PBX3: variants seen among roughly 807,000 people sequenced by gnomAD.
The protein encoded by PBX3 is pre-B-cell leukemia transcription factor 3.
A neutral mutation model predicts 48.5 loss-of-function variants in PBX3; 14 were observed. That is an observed-to-expected ratio of 0.29 (90% CI 0.19 to 0.45). The LOEUF is 0.45. Ranked by LOEUF, PBX3 falls within the 20% of genes least tolerant of loss-of-function variation. The pLI is 1.00. For synonymous variants in PBX3, 210 were observed against 200.3 expected (o/e 1.05, Z -0.41); for missense variants, 386 against 546.7 (o/e 0.71, Z 2.93).
chr9:125,793,982 C>T (rs1188187830), intron 2 of PBX3, among the ~76,000 whole-genome samples: 14 of 152,118 alleles, frequency 9.2e-5, no homozygotes, highest in South Asian at 4.1e-4. Flanking sequence ...TACCCAATCA[C>T]GCAACTTAAA....
At chr9:125,951,068 CTTCAGTAGAAT>C (rs1395336169) in intron 5 of PBX3, among the ~76,000 whole-genome samples, 2 of 152,140 alleles carry the variant, frequency 1.3e-5, no homozygotes, top group African/African-American at 4.8e-5. Flanking sequence ...TCAGTTTTTG[CTTCAGTAGAAT>C]TGGGTTTTTG....
At chr9:125,849,571 C>T (rs1384892849) in intron 2 of PBX3, among the ~76,000 whole-genome samples, 1 of 151,854 alleles carries the variant, frequency 6.6e-6, no homozygotes, top group Non-Finnish European at 1.5e-5. Flanking sequence ...TTCTTCCCTC[C>T]TCATTTTAGC....
chr9:125,952,357 C>T (rs1192387804), intron 5 of PBX3, among the ~76,000 whole-genome samples: 1 of 152,200 alleles, frequency 6.6e-6, no homozygotes, highest in Non-Finnish European at 1.5e-5. Flanking sequence ...CAAAGTTCTG[C>T]ACTTCTGCCT....
intron 2 of PBX3, among the ~76,000 whole-genome samples, chr9:125,754,469 T>TA (rs1326517017): frequency 1.3e-5 from 2 of 152,104 alleles, no homozygotes; most frequent in African/African-American, 4.8e-5. Flanking sequence ...TTTACAAAGT[T>TA]ATTGAAGTTA....
chr9:125,768,125 G>C (rs1168638084), intron 2 of PBX3, among the ~76,000 whole-genome samples: 1 of 152,000 alleles, frequency 6.6e-6, no homozygotes, highest in Non-Finnish European at 1.5e-5. Context: ...AAGGTCCTTG[G>C]GGGTGGTGGG....
At chr9:125,906,312 G>A (rs1448757219) in intron 2 of PBX3, among the ~76,000 whole-genome samples, 5 of 151,942 alleles carry the variant, frequency 3.3e-5, no homozygotes, top group South Asian at 2.1e-4. Context: ...CCCTCATGCC[G>A]TATTTACTAG....
intron 2 of PBX3, among the ~76,000 whole-genome samples, chr9:125,824,401 C>CA (rs1838747616): frequency 6.6e-6 from 1 of 152,182 alleles, no homozygotes; most frequent in African/African-American, 2.4e-5. Flanking sequence ...TCCGTTATTC[C>CA]ATGATGCCTT....
rs771662821 is a variant in PBX3 at position 125,747,668 on chromosome 9, A to G, written c.200+15A>G. 4.5e-6 allele frequency: 7 copies of G among 1,570,088 alleles called. No homozygotes were observed. The East Asian group carries it at 1.3e-4, about 28-fold the overall frequency. On this transcript the variant is annotated intron_variant, in intron 1 of 8. Coordinates refer to ENST00000373489, the MANE Select transcript of PBX3 (RefSeq NM_006195.6). ...GCGCAAGCAAAGTTGGTGTCGTCTC[A>G]TTAAGCATCTTTTGTGTGTGTGCGG...
chr9:125,844,436 T>C (rs1839374427), intron 2 of PBX3: 1 of 152,082 alleles, frequency 6.6e-6, no homozygotes, highest in Non-Finnish European at 1.5e-5. Context: ...TGTCAAAATA[T>C]TACCATAATG....
At chr9:125,839,339 G>T (rs887617846) in intron 2 of PBX3, among the ~76,000 whole-genome samples, 20 of 152,164 alleles carry the variant, frequency 1.3e-4, no homozygotes, top group African/African-American at 4.6e-4. Context: ...AGGCAACATG[G>T]TGATGAATAA....
chr9:125,910,168 C>G (rs1196051361), intron 2 of PBX3, among the ~76,000 whole-genome samples: 1 of 152,090 alleles, frequency 6.6e-6, no homozygotes, highest in East Asian at 1.9e-4. Context: ...AGCATGTAAA[C>G]AAATCTCAGT....
At chr9:125,878,338 A>G (rs2132342154) in intron 2 of PBX3, among the ~76,000 whole-genome samples, 1 of 152,284 alleles carries the variant, frequency 6.6e-6, no homozygotes, top group South Asian at 2.1e-4. Context: ...GAAATTTCAT[A>G]ATGATGAATA....
chr9:125,885,718 C>T (rs956652309), intron 2 of PBX3, among the ~76,000 whole-genome samples: 1 of 151,932 alleles, frequency 6.6e-6, no homozygotes, highest in Non-Finnish European at 1.5e-5. Flanking sequence ...GGATTTATAA[C>T]CATTTTGCCA....
chr9:125,806,725 G>A (rs928630566), intron 2 of PBX3, among the ~76,000 whole-genome samples: 1 of 152,146 alleles, frequency 6.6e-6, no homozygotes, highest in African/African-American at 2.4e-5. Flanking sequence ...ATTAAGCTCA[G>A]TGTCTCATAA....
rs527441631 is a variant in PBX3 at position 125,759,820 on chromosome 9, A to G, written c.274+11197A>G. Among the ~76,000 whole-genome samples, 1 of 152,348 alleles carries G rather than the reference A, an allele frequency of 6.6e-6. No homozygotes were observed. The highest frequency in any genetic ancestry group is 1.9e-4 in the East Asian group (1 of 5,194). ...TTAGCAGGTTAATTGCAAAATTTCTAAATTGTACATCTGACTTGTTAATTA... is the reference window on the plus strand; with the variant it reads ...TTAGCAGGTTAATTGCAAAATTTCTGAATTGTACATCTGACTTGTTAATTA... On this transcript the variant is annotated intron_variant, in intron 2 of 8. Coordinates refer to ENST00000373489, the MANE Select transcript of PBX3 (RefSeq NM_006195.6). This position sits in a 1 kb window ranked among gnomAD's most constrained non-coding sequence, Gnocchi z 4.2.
chr9:125,775,981 G>GT (rs1837061134), intron 2 of PBX3, among the ~76,000 whole-genome samples: 1 of 152,138 alleles, frequency 6.6e-6, no homozygotes, highest in Admixed American at 6.5e-5. Flanking sequence ...ACTCTAGCAG[G>GT]TTTTTTGGTG....
At chr9:125,874,986 C>T (rs1840214751) in intron 2 of PBX3, among the ~76,000 whole-genome samples, 1 of 152,162 alleles carries the variant, frequency 6.6e-6, no homozygotes, top group Non-Finnish European at 1.5e-5. Context: ...TACTTTCATT[C>T]AGTTGAATAC....
rs1588347162 is a variant in PBX3 at position 125,963,005 on chromosome 9, C to A, written c.1123-7C>A. 1 of 1,577,694 alleles carries A rather than the reference C, an allele frequency of 6.3e-7. No individual in the cohort carries two copies. The highest frequency in any genetic ancestry group is 8.7e-7 in the Non-Finnish European group (1 of 1,150,138). The stretch of plus-strand genomic sequence containing the variant: ...GGATGATGAATTTTGTTTTGTCTCA[C>A]TTCTAGGTGGATACCCTCCGTCATG... On this transcript the variant is annotated splice_polypyrimidine_tract_variant and splice_region_variant and intron_variant, in intron 7 of 8. Transcript: ENST00000373489.
At chr9:125,864,890 T>C (rs1281156697) in intron 2 of PBX3, among the ~76,000 whole-genome samples, 1 of 152,240 alleles carries the variant, frequency 6.6e-6, no homozygotes, top group Non-Finnish European at 1.5e-5. Context: ...AGGAAAGGCA[T>C]GAGGTGTTGT....
Sources: gnomAD v4.1 joint callset for allele counts (sites outside exome capture counted in the v4.1 genomes callset) on GRCh38, gnomAD v4.1.1 for gene constraint, Gnocchi (gnomAD v3.1) non-coding constraint, MANE v1.5 for transcripts, NCBI Gene and HGNC (gene_info 2026-07-23, HGNC 2026-07-21) for gene names.